TRIM33: variants seen among roughly 807,000 people sequenced by gnomAD.
The protein encoded by TRIM33 is tripartite motif containing 33.
Under a neutral mutation model 125.4 loss-of-function variants are expected in TRIM33, and 20 were observed. The ratio of observed to expected loss-of-function variants is 0.16; its 90% CI spans 0.11 to 0.23. The LOEUF (loss-of-function observed/expected upper bound fraction) is 0.23. Among genes scored for constraint, TRIM33 ranks in the 10% least tolerant of loss-of-function variants. TRIM33 has a pLI of 1.00. For missense variants in TRIM33, 920 were observed against 1,411.4 expected, an observed-to-expected ratio of 0.65 and a Z score of 5.58; for synonymous variants, 564 against 513.9, an observed-to-expected ratio of 1.10 and a Z score of -1.32.
chr1:114,473,243 C>T lies in TRIM33; in HGVS notation c.527-8855G>A, dbSNP rs186678168. ...CTATACTCCAGCCTGGGTGCCAGAG[C>T]GAGACTCTGTCTCAAAAAAAAAAAA... On this transcript the variant is annotated intron_variant, in intron 1 of 19. Coordinates refer to ENST00000358465, the MANE Select transcript of TRIM33 (RefSeq NM_015906.4). 4.0e-3 allele frequency among the ~76,000 whole-genome samples: 580 copies of T among 144,718 alleles called. 6 individuals carry two copies. Among genetic ancestry groups the T allele is most frequent in the African/African-American group, 0.013 (508 of 38,766 alleles). 94.9% of individuals were successfully genotyped at this position (144,718 alleles called of 152,430 possible). A position where few individuals can be genotyped will look rare whatever the true frequency, so the allele number is the denominator to read the frequency against.
At chr1:114,439,283 C>T (rs1157577158) in intron 4 of TRIM33, among the ~76,000 whole-genome samples, 1 of 148,398 alleles carries the variant, frequency 6.7e-6, no homozygotes, top group Admixed American at 6.7e-5. Context: ...ACCAGCCTGA[C>T]CAACATGGTG....
At chr1:114,461,211 TAA>T (rs569418875) in intron 4 of TRIM33, among the ~76,000 whole-genome samples, 1 of 96,152 alleles carries the variant, frequency 1.0e-5, no homozygotes, top group South Asian at 4.3e-4. Context: ...AACCTGTCTT[TAA>T]AAATATATAT....
chr1:114,437,141 A>C (rs77165627), intron 4 of TRIM33, among the ~76,000 whole-genome samples: 1,571 of 152,306 alleles, frequency 0.01, 25 homozygotes, highest in African/African-American at 0.036. Flanking sequence ...ATCTTGTTAC[A>C]TTCATGTGAA....
rs909647732 is a variant in TRIM33 at position 114,511,141 on chromosome 1, G to A, written c.-65C>T. On this transcript the variant is annotated 5_prime_UTR_variant, in exon 1 of 20. Transcript: ENST00000358465. ...CGCCGCCCGCGTCGCCGCCGCCGCC[G>A]CCCCCAGCCCCAGCCGCAGCCGCAG... 2 of 1,071,052 alleles carry A rather than the reference G, an allele frequency of 1.9e-6. No homozygotes were observed. The highest frequency in any genetic ancestry group is 4.4e-5 in the South Asian group (1 of 22,940). 66.3% of individuals were successfully genotyped at this position (1,071,052 alleles called of 1,614,324 possible).
At chr1:114,463,323 GT>G in intron 3 of TRIM33, 87 bp from the exon 4 acceptor site, 1 of 1,552,516 alleles carries the variant, frequency 6.4e-7, no homozygotes, top group Non-Finnish European at 8.7e-7. Context: ...GCTATCCAAA[GT>G]TTATAAAGAA....
intron 4 of TRIM33, among the ~76,000 whole-genome samples, chr1:114,441,150 ATT>A (rs1317208873): frequency 6.6e-6 from 1 of 152,152 alleles, no homozygotes; most frequent in African/African-American, 2.4e-5. Flanking sequence ...TGGACAAAAC[ATT>A]TTAAAAAATG....
At chr1:114,460,572 CCTT>C (rs1300602050) in intron 4 of TRIM33, among the ~76,000 whole-genome samples, 1 of 116,156 alleles carries the variant, frequency 8.6e-6, no homozygotes, top group Admixed American at 9.8e-5. Context: ...CCCCCCGCCA[CCTT>C]TTTTTTTTTT....
chr1:114,402,353 T>C (rs986961314), intron 16 of TRIM33, among the ~76,000 whole-genome samples: 11 of 152,162 alleles, frequency 7.2e-5, no homozygotes, highest in Admixed American at 7.2e-4. Flanking sequence ...TGAGAAATTA[T>C]GATGTAAGGT....
intron 10 of TRIM33, among the ~76,000 whole-genome samples, chr1:114,422,338 T>C (rs1647256443): frequency 6.6e-6 from 1 of 152,218 alleles, no homozygotes; most frequent in African/African-American, 2.4e-5. Flanking sequence ...AGATGATTCA[T>C]TAGTCTGACT....
At chr1:114,457,627 C>T (rs1024833213) in intron 4 of TRIM33, among the ~76,000 whole-genome samples, 4 of 152,196 alleles carry the variant, frequency 2.6e-5, no homozygotes, top group African/African-American at 9.7e-5. Context: ...AAGCAGGTAG[C>T]TTCTTTTTCC....
chr1:114,425,378 A>G, intron 9 of TRIM33, 71 bp downstream of exon 9: 1 of 1,551,734 alleles, frequency 6.4e-7, no homozygotes, highest in Non-Finnish European at 8.7e-7. Context: ...GTGTAACTTA[A>G]TTATATAGGA....
intron 11 of TRIM33, among the ~76,000 whole-genome samples, chr1:114,420,146 C>T (rs1653189697): frequency 6.6e-6 from 1 of 152,184 alleles, no homozygotes; most frequent in South Asian, 2.1e-4. Flanking sequence ...ATGCTTTTAA[C>T]TGAAACAAAT....
chr1:114,448,529 T>C (rs1649129366), intron 4 of TRIM33, among the ~76,000 whole-genome samples: 1 of 152,238 alleles, frequency 6.6e-6, no homozygotes, highest in African/African-American at 2.4e-5. Flanking sequence ...TCCTGTGATA[T>C]TCAGCTGGAT....
rs539109314 is a variant in TRIM33 at position 114,488,624 on chromosome 1, C to A, written c.526+21927G>T. 4.1e-4 allele frequency among the ~76,000 whole-genome samples: 63 copies of A among 151,956 alleles called. 2 individuals carry two copies. The highest frequency in any genetic ancestry group is 8.3e-4 in the South Asian group (4 of 4,814). On this transcript the variant is annotated intron_variant, in intron 1 of 19. Transcript: ENST00000358465. ...ACAAAAAATTAAAAAATTAGCCAGGCGTGGTGGCATGCGGCTGCAGTCCCA... is the reference window on the plus strand; with the variant it reads ...ACAAAAAATTAAAAAATTAGCCAGGAGTGGTGGCATGCGGCTGCAGTCCCA...
At chr1:114,443,820 G>A (rs1648809460) in intron 4 of TRIM33, among the ~76,000 whole-genome samples, 1 of 151,708 alleles carries the variant, frequency 6.6e-6, no homozygotes, top group South Asian at 2.1e-4. Context: ...ATCACTTGAG[G>A]CCAGGAGTTC....
chr1:114,438,894 T>G (rs978888498), intron 4 of TRIM33, among the ~76,000 whole-genome samples: 1 of 152,114 alleles, frequency 6.6e-6, no homozygotes. Context: ...TATTTAAAGC[T>G]CTATATGAAG....
intron 1 of TRIM33, among the ~76,000 whole-genome samples, chr1:114,476,486 C>A (rs116649594): frequency 2.0e-5 from 3 of 151,668 alleles, no homozygotes; most frequent in African/African-American, 7.3e-5. Context: ...CTTTCCTTGA[C>A]AAATTTTTTA....
At position 114,424,591 on chromosome 1, in the gene TRIM33, T is replaced by A. The variant is rs1489896774; in HGVS notation, c.1860A>T (p.Gln620His). ...CTTACAAATGTAACTCTAGGCATAC[T>A]TGTCTTTGGAGGTGTGGCTGCATCA... ...YSMMQPHLQR[Q>H]HSNPGHAGPF... The change falls in exon 10 of 20, where the codon CAA becomes CAT. Residue 620 changes from glutamine to histidine, a missense_variant and splice_region_variant. By Grantham distance (24) the Gln-to-His change is conservative (BLOSUM62 0). Transcript: ENST00000358465. 1 of 1,568,772 alleles carries A rather than the reference T, an allele frequency of 6.4e-7. No homozygotes were observed. Among genetic ancestry groups the A allele is most frequent in the Non-Finnish European group, 8.6e-7 (1 of 1,161,802 alleles).
At position 114,511,106 on chromosome 1, in the gene TRIM33, C is replaced by CCGCGCCG. The variant is rs1318336482; in HGVS notation, c.-37_-31dup. The CCGCGCCG allele has an allele frequency of 3.0e-5, 34 of 1,145,258 alleles. No homozygotes were observed. Among genetic ancestry groups the CCGCGCCG allele is most frequent in the Non-Finnish European group, 3.5e-5 (33 of 935,812 alleles). The allele number at this position is 1,145,258 out of a possible 1,614,324, so 70.9% of individuals were successfully genotyped here. On this transcript the variant is annotated 5_prime_UTR_variant, in exon 1 of 20. Coordinates refer to ENST00000358465, the MANE Select transcript of TRIM33 (RefSeq NM_015906.4). ...TCCTCTTTGAACCCGCCGGACCGCCCCGCGCCGCCCGCCGCCCGCGTCGCC... is the reference window on the plus strand; with the variant it reads ...TCCTCTTTGAACCCGCCGGACCGCCCCGCGCCGCGCGCCGCCCGCCGCCCGCGTCGCC...
Sources: allele counts gnomAD v4.1 joint callset (sites outside exome capture counted in the v4.1 genomes callset), GRCh38; gene constraint gnomAD v4.1.1; transcripts MANE v1.5; gene names NCBI Gene and HGNC (gene_info 2026-07-23, HGNC 2026-07-21).